The following MDN1 variants were observed in gnomAD, a reference collection of about 807,000 sequenced individuals.
The protein encoded by MDN1 is midasin AAA ATPase 1.
Under a neutral mutation model 669.2 loss-of-function variants are expected in MDN1, and 266 were observed. The ratio of observed to expected loss-of-function variants is 0.40; its 90% CI spans 0.36 to 0.44. MDN1 has a LOEUF of 0.44. MDN1 is among the 20% of genes least tolerant of loss of function. MDN1 has a pLI of 1.00. For missense variants in MDN1, 5,940 were observed against 6,754.0 expected (o/e 0.88, Z 4.22); for synonymous variants, 2,385 against 2,457.1 (o/e 0.97, Z 0.87).
chr6:89,756,342 C>A lies in MDN1; in HGVS notation c.2751G>T (p.Gln917His), dbSNP rs1310960235. The A allele has an allele frequency of 4.4e-5, 71 of 1,603,266 alleles. No individual in the cohort carries two copies. The highest frequency in any genetic ancestry group is 5.9e-5 in the Non-Finnish European group (69 of 1,174,396). Residue 917 changes from glutamine to histidine, a missense_variant, in exon 20 of 102, where the codon CAG becomes CAT. Physicochemically the swap from Gln to His is conservative, Grantham distance 24. Coordinates refer to ENST00000369393, the MANE Select transcript of MDN1 (RefSeq NM_014611.3). ...VEELESKEDL[Q>H]VLIVDYLKGL... ...CTTTCAGATAATCTACAATAAGAAC[C>A]TGTAAGTCTTCTTTGCTTTCTAATT...
chr6:89,687,526 G>C (rs1812099010), intron 67 of MDN1, 88 bp from the exon 68 acceptor site: 2 of 1,141,222 alleles, frequency 1.8e-6, no homozygotes, highest in African/African-American at 1.5e-5. Flanking sequence ...CTTTGCTTGA[G>C]TGAAGACTAC....
rs914209466 is a variant in MDN1 at position 89,780,155 on chromosome 6, C to T, written c.1725+57G>A. The T allele has an allele frequency of 2.7e-5, 25 of 922,302 alleles. 1 individual carries two copies. In the Middle Eastern group the frequency reaches 2.5e-3, roughly 91 times the overall value. The allele number at this position is 922,302 out of a possible 1,614,324, so 57.1% of individuals were successfully genotyped here. A position where few individuals can be genotyped will look rare whatever the true frequency, so the allele number is the denominator to read the frequency against. ...GCAATCAAAAGACAGAAAATAACAA[C>T]GGAAGTCAACAGCCTTACAGAACCA... On this transcript the variant is annotated intron_variant, in intron 11 of 101. Coordinates refer to ENST00000369393, the MANE Select transcript of MDN1 (RefSeq NM_014611.3).
At chr6:89,787,472 T>C (rs1819025027) in intron 8 of MDN1, among the ~76,000 whole-genome samples, 2 of 152,188 alleles carry the variant, frequency 1.3e-5, no homozygotes, top group Admixed American at 6.5e-5. Context: ...ATTTCACTTA[T>C]TCTTTACAGC....
chr6:89,665,403 T>C (rs1416531384), intron 84 of MDN1, among the ~76,000 whole-genome samples: 1 of 152,160 alleles, frequency 6.6e-6, no homozygotes, highest in East Asian at 1.9e-4. Flanking sequence ...TTCATTATGG[T>C]TGATTTTTGA....
In MDN1 at chr6:89,797,297, G is replaced by A. The variant is rs1362973787; in HGVS notation, c.330-2496C>T. On this transcript the variant is annotated intron_variant, in intron 2 of 101. Coordinates refer to ENST00000369393, the MANE Select transcript of MDN1 (RefSeq NM_014611.3). The stretch of plus-strand genomic sequence containing the variant: ...AGGCAGGAGAATCGCTTGAACCTGG[G>A]AAGGAGGCAGAGGTTGCAGTGAGCC... Among the ~76,000 whole-genome samples, 3 of 142,690 alleles carry A rather than the reference G, an allele frequency of 2.1e-5. No individual in the cohort carries two copies. The East Asian group carries it at 6.2e-4, about 30-fold the overall frequency. 93.6% of individuals were successfully genotyped at this position (142,690 alleles called of 152,430 possible).
rs746505363 is a variant in MDN1, at chr6:89,790,202, G to A, written c.1055C>T (p.Pro352Leu). Residue 352 changes from proline (P) to leucine (L), a missense_variant, in exon 6 of 102, where the codon CCT becomes CTT. Transcript: ENST00000369393. ...LAAVTGRTKPPQLLKVQLGDQ... is the reference protein window; with the variant it reads ...LAAVTGRTKPLQLLKVQLGDQ... ...TCCAAGCTGGACTTTGAGAAGCTGA[G>A]GAGGCTTTGTTCTACCTGTCACTGC... 1 of 1,613,982 alleles carries A rather than the reference G, an allele frequency of 6.2e-7. No individual in the cohort carries two copies. The highest frequency in any genetic ancestry group is 1.3e-5 in the African/African-American group (1 of 74,894).
At chr6:89,771,910 G>A (rs907542939) in intron 14 of MDN1, among the ~76,000 whole-genome samples, 1 of 152,040 alleles carries the variant, frequency 6.6e-6, no homozygotes, top group South Asian at 2.1e-4. Flanking sequence ...GTCTCATGAT[G>A]TTGCCAGGCT....
At chr6:89,679,398 C>T (rs1811448172) in intron 74 of MDN1, among the ~76,000 whole-genome samples, 1 of 152,188 alleles carries the variant, frequency 6.6e-6, no homozygotes, top group Non-Finnish European at 1.5e-5. Context: ...CACAAGGGTG[C>T]CGCCTCCCTG....
intron 74 of MDN1, among the ~76,000 whole-genome samples, chr6:89,680,303 T>C (rs1811515934): frequency 1.3e-5 from 2 of 152,180 alleles, no homozygotes; most frequent in Non-Finnish European, 2.9e-5. Context: ...CTGTGCCCCT[T>C]TACTGGTAAC....
At chr6:89,731,592 C>T (rs1815595344) in intron 34 of MDN1, among the ~76,000 whole-genome samples, 1 of 151,652 alleles carries the variant, frequency 6.6e-6, no homozygotes, top group South Asian at 2.1e-4. Context: ...GGGAACATCA[C>T]ATACTGGGGC....
At position 89,771,585 on chromosome 6, in the gene MDN1, C is replaced by G; in HGVS notation, c.2120G>C (p.Ser707Thr). The change falls in exon 15 of 102, where the codon AGT (serine) becomes ACT (threonine). Residue 707 changes from serine to threonine, a missense_variant. Physicochemically the swap from Ser to Thr is moderately conservative, Grantham distance 58. Coordinates refer to ENST00000369393, the MANE Select transcript of MDN1 (RefSeq NM_014611.3). ...CCCTCCAAGCAAGTCTGCAGTATCA[C>G]TTTGTTGATTCATATTGACAACCCT... Reference protein sequence around the residue: ...RLRVVNMNQQSDTADLLGGYK... With the variant: ...RLRVVNMNQQTDTADLLGGYK... 1 of 1,613,998 alleles carries G rather than the reference C, an allele frequency of 6.2e-7. No individual in the cohort carries two copies. Among genetic ancestry groups the G allele is most frequent in the Non-Finnish European group, 8.5e-7 (1 of 1,179,944 alleles).
chr6:89,781,358 AAAAAGAAAGAAAG>A, intron 10 of MDN1, 28 bp downstream of exon 10: 1 of 1,591,870 alleles, frequency 6.3e-7, no homozygotes, highest in Non-Finnish European at 8.6e-7. Flanking sequence ...CTCACAAAAA[AAAAAGAAAGAAAG>A]AAAAGAAAAA....
Position 89,774,840 on chromosome 6 carries a change from T to C in MDN1, c.1822-107A>G, listed in dbSNP as rs190975390. On this transcript the variant is annotated intron_variant, in intron 12 of 101. Coordinates refer to ENST00000369393, the MANE Select transcript of MDN1 (RefSeq NM_014611.3). Reference sequence around the variant, plus strand: ...CAAATTAGCACTCTACAAAGAATTATTCTCTACTTCCCAGATAGTTGAGTT... The same window carrying C: ...CAAATTAGCACTCTACAAAGAATTACTCTCTACTTCCCAGATAGTTGAGTT... The C allele has an allele frequency of 5.3e-4, 364 of 687,026 alleles. 3 individuals are homozygous for C. The East Asian group carries it at 8.6e-3, about 16-fold the overall frequency. The allele number at this position is 687,026 out of a possible 1,614,324, so 42.6% of individuals were successfully genotyped here. A position where few individuals can be genotyped will look rare whatever the true frequency, so the allele number is the denominator to read the frequency against.
At chr6:89,648,978 G>C (rs1808671437) in intron 97 of MDN1, among the ~76,000 whole-genome samples, 1 of 140,666 alleles carries the variant, frequency 7.1e-6, no homozygotes, top group Admixed American at 7.3e-5. Context: ...AACAGAGCAA[G>C]ACCCTGTCTT....
intron 1 of MDN1, chr6:89,815,098 G>A: frequency 2.3e-6 from 1 of 436,338 alleles, no homozygotes; most frequent in Non-Finnish European, 4.5e-6. Context: ...GCCAGAAGAG[G>A]ATTCAGCTGT....
At position 89,718,866 on chromosome 6, in the gene MDN1, G is replaced by A. The variant is rs776860718; in HGVS notation, c.6222C>T (p.Ser2074=). ...TAAGGTGTGCCAGAAGCTGGACCAG[G>A]CTGGTCTTGCCCACAGAGGCTGGCC... ...LVGPASVGKT[S]LVQLLAHLTG... The change falls in exon 42 of 102, where the codon AGC becomes AGT. Residue 2074 remains serine, a synonymous_variant. Transcript: ENST00000369393. 4 of 1,614,154 alleles carry A rather than the reference G, an allele frequency of 2.5e-6. No homozygotes were observed. The highest frequency in any genetic ancestry group is 1.1e-5 in the South Asian group (1 of 91,084).
intron 1 of MDN1, among the ~76,000 whole-genome samples, chr6:89,814,382 TCC>T (rs1768665232): frequency 7.6e-6 from 1 of 132,336 alleles, no homozygotes; most frequent in Non-Finnish European, 1.6e-5. Flanking sequence ...TTAATCCCCC[TCC>T]TTTTTTTTTT....
At chr6:89,785,243 TTC>T (rs1818897537) in intron 8 of MDN1, 117 bp from the exon 9 acceptor site, 2 of 707,336 alleles carry the variant, frequency 2.8e-6, no homozygotes, top group African/African-American at 1.8e-5. Context: ...TCATAATCCC[TTC>T]TGTTTCCAGA....
rs780177954 is a variant in MDN1, at chr6:89,695,423, G to A, written c.9771+182C>T. 1.3e-5 allele frequency among the ~76,000 whole-genome samples: 2 copies of A among 152,128 alleles called. No homozygotes were observed. The highest frequency in any genetic ancestry group is 2.9e-5 in the Non-Finnish European group (2 of 68,052). ...CCTCCCAGAGCATGAGTATAGTCAG[G>A]ACAACTCTCAAAGGGGAAAATACAG... On this transcript the variant is annotated intron_variant, in intron 61 of 101. Coordinates refer to ENST00000369393, the MANE Select transcript of MDN1 (RefSeq NM_014611.3). This position sits in a 1 kb window ranked among gnomAD's most constrained non-coding sequence, Gnocchi z 4.1.
Sources: allele counts gnomAD v4.1 joint callset (sites outside exome capture counted in the v4.1 genomes callset), GRCh38; gene constraint gnomAD v4.1.1; non-coding constraint Gnocchi (gnomAD v3.1); transcripts MANE v1.5; gene names NCBI Gene and HGNC (gene_info 2026-07-23, HGNC 2026-07-21).